Variants in ZNHIT6 observed in about 807,000 individuals in gnomAD.
ZNHIT6 encodes zinc finger HIT-type containing 6, also known as box C/D snoRNA protein 1.
In ZNHIT6, 45 loss-of-function variants were observed where a neutral mutation model predicts 57.2. That is an observed-to-expected ratio of 0.79 (90% CI 0.62 to 1.01). The LOEUF (loss-of-function observed/expected upper bound fraction) is 1.01, where lower values mean the gene tolerates loss of function less well. Among genes scored for constraint, ZNHIT6 ranks in the 50% least tolerant of loss-of-function variants. The pLI is 0.00. For missense variants in ZNHIT6, 528 were observed against 567.3 expected, an observed-to-expected ratio of 0.93 and a Z score of 0.70; for synonymous variants, 188 against 190.0, an observed-to-expected ratio of 0.99 and a Z score of 0.09.
chr1:85,694,209 A>G (rs1423791473), intron 5 of ZNHIT6, among the ~76,000 whole-genome samples: 2 of 152,196 alleles, frequency 1.3e-5, no homozygotes, highest in Admixed American at 1.3e-4. Flanking sequence ...AGATTTGTGC[A>G]TTTCATTACG....
chr1:85,672,268 G>C (rs1557845953), intron 8 of ZNHIT6, among the ~76,000 whole-genome samples: 1 of 151,896 alleles, frequency 6.6e-6, no homozygotes, highest in Non-Finnish European at 1.5e-5. Flanking sequence ...TAGCCAACTT[G>C]ATCACCAAGT....
At chr1:85,686,970 A>G (rs1662058577) in intron 5 of ZNHIT6, among the ~76,000 whole-genome samples, 1 of 151,938 alleles carries the variant, frequency 6.6e-6, no homozygotes, top group Non-Finnish European at 1.5e-5. Flanking sequence ...TGAATAAATA[A>G]TATATCAAGA....
rs1409590930 is a variant in ZNHIT6 at position 85,651,979 on chromosome 1, T to C, written c.*2079A>G. 2 of 152,260 alleles carry C rather than the reference T, an allele frequency of 1.3e-5. No homozygotes were observed. The highest frequency in any genetic ancestry group is 1.5e-5 in the Non-Finnish European group (1 of 68,046). 9.4% of individuals were successfully genotyped at this position (152,260 alleles called of 1,614,324 possible). A position where few individuals can be genotyped will look rare whatever the true frequency, so the allele number is the denominator to read the frequency against. The stretch of plus-strand genomic sequence containing the variant: ...ATATTTAGGGGAATTCTAAGAGTTA[T>C]ATTCTTTCCTAATAGCCTATAATTG... On this transcript the variant is annotated 3_prime_UTR_variant, in exon 10 of 10. Transcript: ENST00000370574.
intron 5 of ZNHIT6, among the ~76,000 whole-genome samples, chr1:85,696,897 GGCTGGAGT>G (rs1413582986): frequency 1.5e-5 from 2 of 134,700 alleles, no homozygotes; most frequent in South Asian, 2.3e-4. Flanking sequence ...CTGTCTCCCT[GGCTGGAGT>G]GCTGGAGTGC....
chr1:85,657,644 G>A (rs1002697471), intron 9 of ZNHIT6, among the ~76,000 whole-genome samples: 1 of 152,042 alleles, frequency 6.6e-6, no homozygotes, highest in Non-Finnish European at 1.5e-5. Flanking sequence ...CTTAAAATTG[G>A]TTTTATAAGA....
intron 8 of ZNHIT6, among the ~76,000 whole-genome samples, chr1:85,667,964 A>ATG (rs1358945139): frequency 9.4e-6 from 1 of 106,544 alleles, no homozygotes; most frequent in African/African-American, 3.5e-5. Flanking sequence ...AAAAAAAAAT[A>ATG]TATATATATA....
chr1:85,706,289 G>A lies in ZNHIT6; in HGVS notation c.789C>T (p.Tyr263=), dbSNP rs1662682640. 3.7e-6 allele frequency: 6 copies of A among 1,612,526 alleles called. No homozygotes were observed. The African/African-American group carries it at 4.0e-5, about 11-fold the overall frequency. ...TCNGVRDKTA[Y]ISIQQFTEMN... The stretch of plus-strand genomic sequence containing the variant: ...TTTCAGTAAACTGTTGTATTGAAAT[G>A]TATGCAGTTTTATCTCGAACTCCAT... The change falls in exon 3 of 10, where the codon TAC becomes TAT. Residue 263 remains tyrosine (Y), a synonymous_variant. Coordinates refer to ENST00000370574, the MANE Select transcript of ZNHIT6 (RefSeq NM_017953.4).
chr1:85,693,139 G>A (rs1484626370), intron 5 of ZNHIT6, among the ~76,000 whole-genome samples: 1 of 152,184 alleles, frequency 6.6e-6, no homozygotes, highest in Non-Finnish European at 1.5e-5. Flanking sequence ...GTTAAGAACT[G>A]AGGGCCAATA....
intron 8 of ZNHIT6, among the ~76,000 whole-genome samples, chr1:85,667,338 G>C (rs1661395958): frequency 6.6e-6 from 1 of 152,100 alleles, no homozygotes; most frequent in Non-Finnish European, 1.5e-5. Context: ...TTAGCCCCCA[G>C]ATTTAACCTT....
At position 85,678,476 on chromosome 1, in the gene ZNHIT6, T is replaced by C. The variant is rs4949925; in HGVS notation, c.1169+225A>G. 5.0e-3 allele frequency among the ~76,000 whole-genome samples: 759 copies of C among 152,312 alleles called. 7 individuals carry two copies. Among genetic ancestry groups the C allele is most frequent in the Middle Eastern group, 0.041 (12 of 294 alleles). ...CTACTTTTCAGAGTTATTGTGAGGA[T>C]TAAATGAATTAACACATTTATTACT... On this transcript the variant is annotated intron_variant, in intron 7 of 9. Transcript: ENST00000370574.
chr1:85,674,307 T>C (rs1428762283), intron 8 of ZNHIT6, among the ~76,000 whole-genome samples: 7 of 149,584 alleles, frequency 4.7e-5, no homozygotes, highest in Non-Finnish European at 4.5e-5. Context: ...TATCTTTTTC[T>C]TTTTTTTTTC....
chr1:85,685,608 C>T (rs568203057), intron 5 of ZNHIT6, among the ~76,000 whole-genome samples: 48 of 152,216 alleles, frequency 3.2e-4, no homozygotes, highest in African/African-American at 1.1e-3. Flanking sequence ...GACAAGGTCT[C>T]ACTCTGTCGC....
In ZNHIT6 at chr1:85,662,242, C is replaced by T. The variant is rs577290821; in HGVS notation, c.1248-4271G>A. On this transcript the variant is annotated intron_variant, in intron 8 of 9. Coordinates refer to ENST00000370574, the MANE Select transcript of ZNHIT6 (RefSeq NM_017953.4). ...CAAACCACTTTATGTCCCATCTGAT[C>T]ACTGACACTCCATGGATCATCGCCC... Among the ~76,000 whole-genome samples, 319 of 151,596 alleles carry T rather than the reference C, an allele frequency of 2.1e-3. 2 individuals are homozygous for T. The highest frequency in any genetic ancestry group is 3.2e-3 in the Non-Finnish European group (219 of 67,914).
chr1:85,702,166 A>C lies in ZNHIT6; in HGVS notation c.1010T>G (p.Phe337Cys), dbSNP rs776609183. The change falls in exon 5 of 10, where the codon TTT (phenylalanine) becomes TGT (cysteine). Residue 337 changes from phenylalanine (F) to cysteine (C), a missense_variant. By Grantham distance (205) the Phe-to-Cys change is radical (BLOSUM62 -2). Coordinates refer to ENST00000370574, the MANE Select transcript of ZNHIT6 (RefSeq NM_017953.4). Reference sequence around the variant, plus strand: ...AAAGTTAGAAACTTACTTCTTATCAAAAAAGGTTGAATTCTCCTTCCTCTT... The same window carrying C: ...AAAGTTAGAAACTTACTTCTTATCACAAAAGGTTGAATTCTCCTTCCTCTT... ...FTKRKENSTFFDKKKQQFCWH... is the reference protein window; with the variant it reads ...FTKRKENSTFCDKKKQQFCWH... The C allele has an allele frequency of 6.2e-7, 1 of 1,603,086 alleles. No homozygotes were observed. The highest frequency in any genetic ancestry group is 1.7e-5 in the Admixed American group (1 of 57,396).
At chr1:85,698,851 AG>A (rs1207617113) in intron 5 of ZNHIT6, among the ~76,000 whole-genome samples, 1 of 152,108 alleles carries the variant, frequency 6.6e-6, no homozygotes, top group Non-Finnish European at 1.5e-5. Flanking sequence ...CAGACCTATG[AG>A]GGGTGAATGG....
At chr1:85,657,415 CTTT>C (rs3835558) in intron 9 of ZNHIT6, among the ~76,000 whole-genome samples, 14 of 135,316 alleles carry the variant, frequency 1.0e-4, no homozygotes, top group African/African-American at 1.9e-4. Context: ...GGATACTAGG[CTTT>C]TTTTTTTTTT....
At position 85,705,986 on chromosome 1, in the gene ZNHIT6, G is replaced by A. The variant is rs538714891; in HGVS notation, c.915+92C>T. On this transcript the variant is annotated intron_variant, in intron 4 of 9. Transcript: ENST00000370574. ...ATCAGAATAGCTCTACATCATGGTA[G>A]CCACTTAATATATTTGGTAAGTTAA... 1.7e-4 allele frequency: 175 copies of A among 1,014,702 alleles called. No individual in the cohort carries two copies. The African/African-American group carries it at 2.1e-3, about 12-fold the overall frequency. 62.9% of individuals were successfully genotyped at this position (1,014,702 alleles called of 1,614,324 possible).
At position 85,653,738 on chromosome 1, in the gene ZNHIT6, T is replaced by C. The variant is rs1415547267; in HGVS notation, c.*320A>G. ...ACCACTTGCACTCCAAGACCCCATC[T>C]CAAAAAAAGAAAGAAAAAAGAAAAA... is the stretch of plus-strand genomic sequence containing the variant. On this transcript the variant is annotated 3_prime_UTR_variant, in exon 10 of 10. Transcript: ENST00000370574. The C allele has an allele frequency of 1.0e-5, 2 of 199,618 alleles. No homozygotes were observed. Among genetic ancestry groups the C allele is most frequent in the East Asian group, 1.2e-4 (1 of 8,424 alleles). The allele number at this position is 199,618 out of a possible 1,614,324, so 12.4% of individuals were successfully genotyped here.
At chr1:85,661,138 TC>T (rs1211157784) in intron 8 of ZNHIT6, among the ~76,000 whole-genome samples, 1 of 152,204 alleles carries the variant, frequency 6.6e-6, no homozygotes, top group Non-Finnish European at 1.5e-5. Context: ...TGTAAACTGT[TC>T]ATAAAGAAAG....
Sources: gnomAD v4.1 joint callset for allele counts (sites outside exome capture counted in the v4.1 genomes callset) on GRCh38, gnomAD v4.1.1 for gene constraint, MANE v1.5 for transcripts, NCBI Gene and HGNC (gene_info 2026-07-23, HGNC 2026-07-21) for gene names.